ATP10B: variants seen among roughly 807,000 people sequenced by gnomAD.
ATP10B encodes the protein phospholipid-transporting ATPase VB.
A neutral mutation model predicts 141.2 loss-of-function variants in ATP10B; 122 were observed. The ratio of observed to expected loss-of-function variants is 0.86; its 90% CI spans 0.75 to 1.00. The LOEUF (loss-of-function observed/expected upper bound fraction) is 1.00, where lower values mean the gene tolerates loss of function less well. ATP10B is among the 50% of genes least tolerant of loss of function. The pLI is 0.00. For synonymous variants in ATP10B, 685 were observed against 692.0 expected, an observed-to-expected ratio of 0.99 and a Z score of 0.16; for missense variants, 1,876 against 1,825.3, an observed-to-expected ratio of 1.03 and a Z score of -0.51.
intron 2 of ATP10B, among the ~76,000 whole-genome samples, chr5:160,721,119 C>T (rs1351002112): frequency 6.6e-6 from 1 of 152,148 alleles, no homozygotes; most frequent in Non-Finnish European, 1.5e-5. Context: ...AGGTTGGAGA[C>T]TGTGCACACA....
In ATP10B at chr5:160,603,792, G is replaced by A; in HGVS notation, c.3237+173C>T. The A allele has an allele frequency of 5.3e-6, 3 of 562,632 alleles. No homozygotes were observed. In the Admixed American group the frequency reaches 8.4e-5, roughly 16 times the overall value. 34.9% of individuals were successfully genotyped at this position (562,632 alleles called of 1,614,324 possible). A position where few individuals can be genotyped will look rare whatever the true frequency, so the allele number is the denominator to read the frequency against. On this transcript the variant is annotated intron_variant, in intron 20 of 25. Transcript: ENST00000327245. ...AGCTGAATTTTGACACTACGAAAGT[G>A]TACATTTGCAAAATGATTTCAAATG...
chr5:160,591,130 G>A lies in ATP10B; in HGVS notation c.3574C>T (p.Leu1192=). Residue 1192 remains leucine (L), a synonymous_variant, in exon 23 of 26, where the codon CTG becomes TTG. Coordinates refer to ENST00000327245, the MANE Select transcript of ATP10B (RefSeq NM_025153.3). The part of the protein sequence containing the change: ...KSGQNSECYN[L]STFWISMVDA... Reference sequence around the variant, plus strand: ...ACCATAGAAATCCAGAAAGTCGACAGGTTATAGCACTGCCAGGAGAGAACA... The same window carrying A: ...ACCATAGAAATCCAGAAAGTCGACAAGTTATAGCACTGCCAGGAGAGAACA... The A allele has an allele frequency of 6.2e-7, 1 of 1,613,752 alleles. No individual in the cohort carries two copies. Among genetic ancestry groups the A allele is most frequent in the Middle Eastern group, 1.7e-4 (1 of 6,060 alleles).
chr5:160,849,278 A>C (rs1052844279), intron 1 of ATP10B, among the ~76,000 whole-genome samples: 1 of 152,172 alleles, frequency 6.6e-6, no homozygotes, highest in Non-Finnish European at 1.5e-5. Context: ...TTCCTGTGTC[A>C]CTTCTTCAAC....
At chr5:160,717,371 G>A (rs576975663) in intron 2 of ATP10B, among the ~76,000 whole-genome samples, 15 of 152,228 alleles carry the variant, frequency 9.9e-5, no homozygotes, top group African/African-American at 2.6e-4. Context: ...TTTGGGGAGC[G>A]TATGTATATC....
At chr5:160,644,058 G>A in intron 9 of ATP10B, 80 bp downstream of exon 9, 4 of 1,141,902 alleles carry the variant, frequency 3.5e-6, no homozygotes, top group Non-Finnish European at 5.3e-6. Context: ...AACAGTTGTT[G>A]GTTCCCATTG....
At chr5:160,926,544 G>C in the ATP10B span, among the ~76,000 whole-genome samples, 4 of 152,206 alleles carry the variant, frequency 2.6e-5, no homozygotes, top group African/African-American at 7.2e-5. Context: ...AAAATCAGAT[G>C]TCTCTTAAAT....
chr5:160,910,426 A>G, the ATP10B span, among the ~76,000 whole-genome samples: 23 of 152,276 alleles, frequency 1.5e-4, no homozygotes, highest in East Asian at 4.2e-3. Flanking sequence ...GACTCTGTCA[A>G]TTTCGTTTAA....
chr5:160,653,764 T>C (rs1561706347), intron 7 of ATP10B, among the ~76,000 whole-genome samples: 1 of 106,416 alleles, frequency 9.4e-6, no homozygotes, highest in Non-Finnish European at 1.8e-5. Context: ...TAAATATATA[T>C]AATATATACA....
the ATP10B span, among the ~76,000 whole-genome samples, chr5:160,897,911 G>C: frequency 6.6e-6 from 1 of 152,092 alleles, no homozygotes; most frequent in Non-Finnish European, 1.5e-5. Flanking sequence ...TCTGATCTTT[G>C]ACAAACCTGA....
At chr5:160,644,663 A>T (rs1476698848) in intron 8 of ATP10B, among the ~76,000 whole-genome samples, 3 of 152,188 alleles carry the variant, frequency 2.0e-5, no homozygotes, top group Non-Finnish European at 4.4e-5. Context: ...CACCAGAGCC[A>T]TGACAGTTTA....
At chr5:160,572,523 A>T (rs1234775484) in intron 24 of ATP10B, among the ~76,000 whole-genome samples, 1 of 152,202 alleles carries the variant, frequency 6.6e-6, no homozygotes, top group Non-Finnish European at 1.5e-5. Context: ...GTGGCTTAAT[A>T]GTGCTAAAAG....
chr5:160,912,039 T>C, the ATP10B span, among the ~76,000 whole-genome samples: 4 of 151,722 alleles, frequency 2.6e-5, no homozygotes, highest in Non-Finnish European at 4.4e-5. Flanking sequence ...ACTAAGGAGC[T>C]TGCACTCCAG....
At chr5:160,886,155 T>C in the ATP10B span, among the ~76,000 whole-genome samples, 1 of 152,202 alleles carries the variant, frequency 6.6e-6, no homozygotes, top group Non-Finnish European at 1.5e-5. Flanking sequence ...TGTAAACCCA[T>C]GGCTGTGGTT....
intron 2 of ATP10B, among the ~76,000 whole-genome samples, chr5:160,750,377 C>T (rs1362394233): frequency 6.6e-6 from 1 of 152,228 alleles, no homozygotes; most frequent in African/African-American, 2.4e-5. Flanking sequence ...CAGCCCGCTC[C>T]TCCATCACTG....
At chr5:160,565,998 G>C in intron 25 of ATP10B, 98 bp from the exon 26 acceptor site, 2 of 1,169,918 alleles carry the variant, frequency 1.7e-6, no homozygotes, top group Admixed American at 2.6e-5. Flanking sequence ...TCCCTGCCTG[G>C]AGCAAGATCC....
the ATP10B span, among the ~76,000 whole-genome samples, chr5:160,909,994 G>A: frequency 6.6e-6 from 1 of 152,166 alleles, no homozygotes; most frequent in Non-Finnish European, 1.5e-5. Context: ...TTGAGCTTTA[G>A]TTCCTGAGTT....
rs1758408646 is a variant in ATP10B, at chr5:160,622,579, C to CT, written c.1626dup (p.Asp543ArgfsTer6). 6.2e-7 allele frequency: 1 copy of CT among 1,609,640 alleles called. No individual in the cohort carries two copies. The highest frequency in any genetic ancestry group is 8.5e-7 in the Non-Finnish European group (1 of 1,177,652). ...AGTAGGTTTTTATCTGGAGTTACAT[C>CT]TTTTTCCTGGAAGAGAAAGGCCAGA... On this transcript the variant is annotated frameshift_variant, in exon 14 of 26. Transcript: ENST00000327245. LOFTEE classifies it high-confidence loss of function.
chr5:160,908,524 A>C, the ATP10B span, among the ~76,000 whole-genome samples: 4 of 152,196 alleles, frequency 2.6e-5, no homozygotes, highest in Non-Finnish European at 4.4e-5. Context: ...CTGCTATCGA[A>C]GGATTAGGAT....
chr5:160,640,634 T>C, intron 9 of ATP10B, 42 bp from the exon 10 acceptor site: 1 of 1,610,822 alleles, frequency 6.2e-7, no homozygotes, highest in Non-Finnish European at 8.5e-7. Context: ...AGTTCCTGTT[T>C]GCCTATGTCT....
Sources: gnomAD v4.1 joint callset for allele counts (sites outside exome capture counted in the v4.1 genomes callset) on GRCh38, gnomAD v4.1.1 for gene constraint, MANE v1.5 for transcripts, NCBI Gene and HGNC (gene_info 2026-07-23, HGNC 2026-07-21) for gene names.